The following DSCAM variants were observed in gnomAD, a reference collection of about 807,000 sequenced individuals.
DSCAM encodes cell adhesion molecule DSCAM.
DSCAM carries 47 observed loss-of-function variants against 217.7 expected under a neutral mutation model. That is an observed-to-expected ratio of 0.22 (90% CI 0.17 to 0.28). The LOEUF is 0.28. DSCAM is among the 10% of genes least tolerant of loss of function. DSCAM has a pLI of 1.00. For synonymous variants in DSCAM, 1,056 were observed against 1,015.3 expected (o/e 1.04, Z -0.76); for missense variants, 2,080 against 2,618.3 (o/e 0.79, Z 4.49).
intron 3 of DSCAM, among the ~76,000 whole-genome samples, chr21:40,511,978 G>A (rs1228359908): frequency 1.3e-5 from 1 of 78,298 alleles, no homozygotes; most frequent in African/African-American, 5.5e-5. Context: ...GCGACAGAGT[G>A]AGACTCTGTC....
rs141371116 is a variant in DSCAM at position 40,140,610 on chromosome 21, A to G, written c.3406+1948T>C. On this transcript the variant is annotated intron_variant, in intron 18 of 32. Transcript: ENST00000400454. Reference sequence around the variant, plus strand: ...CCACTCAATATAAGGAGTAGAAATCAGAAGAAACATATGTAATGATATCCT... The same window carrying G: ...CCACTCAATATAAGGAGTAGAAATCGGAAGAAACATATGTAATGATATCCT... Among the ~76,000 whole-genome samples, 1,126 of 152,334 alleles carry G rather than the reference A, an allele frequency of 7.4e-3. 12 individuals carry two copies. The highest frequency in any genetic ancestry group is 0.025 in the African/African-American group (1,058 of 41,572).
chr21:40,260,032 A>C (rs2073429252), intron 11 of DSCAM, among the ~76,000 whole-genome samples: 1 of 152,176 alleles, frequency 6.6e-6, no homozygotes, highest in East Asian at 1.9e-4. Flanking sequence ...CAGCCGAGTC[A>C]GCCATTCTTA....
intron 3 of DSCAM, among the ~76,000 whole-genome samples, chr21:40,642,031 A>G (rs2089887055): frequency 7.6e-6 from 1 of 132,348 alleles, no homozygotes; most frequent in African/African-American, 2.8e-5. Flanking sequence ...TGGGTGACAG[A>G]GACTCTGTCT....
At chr21:40,653,484 C>T (rs562217588) in intron 3 of DSCAM, among the ~76,000 whole-genome samples, 1 of 152,092 alleles carries the variant, frequency 6.6e-6, no homozygotes. Flanking sequence ...GTTAAGGACA[C>T]AAGAGGCCAG....
intron 16 of DSCAM, among the ~76,000 whole-genome samples, chr21:40,160,474 GTA>G (rs1042477532): frequency 6.6e-6 from 1 of 152,094 alleles, no homozygotes; most frequent in African/African-American, 2.4e-5. Context: ...TTACATGTTT[GTA>G]TATATATGTT....
At chr21:40,791,651 T>G in intron 1 of DSCAM, among the ~76,000 whole-genome samples, 1 of 152,098 alleles carries the variant, frequency 6.6e-6, no homozygotes. Context: ...AGACACCGTC[T>G]CAAAAAAACA....
At chr21:40,067,555 G>GT (rs1431443094) in intron 27 of DSCAM, among the ~76,000 whole-genome samples, 1 of 152,102 alleles carries the variant, frequency 6.6e-6, no homozygotes, top group Admixed American at 6.5e-5. Flanking sequence ...TGGAACTTGT[G>GT]TAATAGTTCT....
rs150447935 is a variant in DSCAM at position 40,171,741 on chromosome 21, T to G, written c.2948-4453A>C. 6.8e-3 allele frequency among the ~76,000 whole-genome samples: 1,035 copies of G among 152,266 alleles called. 17 individuals carry two copies. The highest frequency in any genetic ancestry group is 0.023 in the African/African-American group (973 of 41,556). ...GTTTCTAAAACATTACTTTAAAAAT[T>G]TTTTAAATTATAAAAAATTTCCCTT... is the stretch of plus-strand genomic sequence containing the variant. On this transcript the variant is annotated intron_variant, in intron 15 of 32. Transcript: ENST00000400454.
In DSCAM at chr21:40,624,945, G is replaced by A. The variant is rs1037938628; in HGVS notation, c.508+67865C>T. ...AGAAAATTCTTTGATTATATAAAGT[G>A]AGCTTTTATAATCTAAGAGTATATT... On this transcript the variant is annotated intron_variant, in intron 3 of 32. Coordinates refer to ENST00000400454, the MANE Select transcript of DSCAM (RefSeq NM_001389.5). Among the ~76,000 whole-genome samples the A allele has an allele frequency of 2.0e-5, 3 of 152,096 alleles. No homozygotes were observed. The East Asian group carries it at 5.8e-4, about 29-fold the overall frequency.
At chr21:40,183,439 C>T (rs534921792) in intron 14 of DSCAM, among the ~76,000 whole-genome samples, 1 of 152,290 alleles carries the variant, frequency 6.6e-6, no homozygotes, top group Non-Finnish European at 1.5e-5. Context: ...TCAGATGACG[C>T]CTCTGGTGCT....
At position 40,144,021 on chromosome 21, in the gene DSCAM, C is replaced by T. The variant is rs1406244207; in HGVS notation, c.3259+470G>A. Among the ~76,000 whole-genome samples, 1 of 152,082 alleles carries T rather than the reference C, an allele frequency of 6.6e-6. No homozygotes were observed. The highest frequency in any genetic ancestry group is 1.5e-5 in the Non-Finnish European group (1 of 68,026). ...GAAGGGCTAATTAATTTATCTCGGC[C>T]GCTAGGGGGCGATCGATCACTGTGC... is the stretch of plus-strand genomic sequence containing the variant. On this transcript the variant is annotated intron_variant, in intron 17 of 32. Coordinates refer to ENST00000400454, the MANE Select transcript of DSCAM (RefSeq NM_001389.5). The surrounding 1 kb of genome is among the most constrained non-coding windows in gnomAD (Gnocchi z 4.8).
intron 32 of DSCAM, among the ~76,000 whole-genome samples, chr21:40,021,451 G>A (rs552300168): frequency 6.6e-6 from 1 of 152,174 alleles, no homozygotes; most frequent in South Asian, 2.1e-4. Context: ...AAGGACCACT[G>A]GCCCATCCAT....
At chr21:40,481,809 C>T (rs1161704050) in intron 3 of DSCAM, among the ~76,000 whole-genome samples, 2 of 152,172 alleles carry the variant, frequency 1.3e-5, no homozygotes, top group African/African-American at 2.4e-5. Context: ...TGCGTTTTGG[C>T]TCTCCATCCA....
chr21:40,489,782 A>AAAAAT (rs1281691733), intron 3 of DSCAM, among the ~76,000 whole-genome samples: 22 of 143,090 alleles, frequency 1.5e-4, no homozygotes, highest in African/African-American at 5.7e-4. Context: ...CTCAAAAAAA[A>AAAAAT]AAAAAAAAAA....
chr21:40,395,429 C>T (rs1217179401), intron 3 of DSCAM, among the ~76,000 whole-genome samples: 1 of 151,282 alleles, frequency 6.6e-6, no homozygotes, highest in Non-Finnish European at 1.5e-5. Context: ...GAGACTGTAA[C>T]ATTTTCCTAT....
At chr21:40,085,579 A>G (rs757843044) in intron 23 of DSCAM, 23 bp downstream of exon 23, 11 of 1,469,610 alleles carry the variant, frequency 7.5e-6, no homozygotes, top group Non-Finnish European at 9.1e-6. Context: ...GATATCATTA[A>G]AAAGAGTCCT....
At chr21:40,242,772 A>G (rs563511885) in intron 11 of DSCAM, among the ~76,000 whole-genome samples, 3 of 152,322 alleles carry the variant, frequency 2.0e-5, no homozygotes, top group African/African-American at 4.8e-5. Flanking sequence ...CCAACCCCAC[A>G]GTGGGCATAT....
At position 40,768,846 on chromosome 21, in the gene DSCAM, G is replaced by A. The variant is rs563366507; in HGVS notation, c.44-60075C>T. On this transcript the variant is annotated intron_variant, in intron 1 of 32. Transcript: ENST00000400454. ...AGCACCAGACCTCGGATATAGCATA[G>A]GGGTATGGAAGATCTTATAGAACAA... Among the ~76,000 whole-genome samples, 6 of 152,328 alleles carry A rather than the reference G, an allele frequency of 3.9e-5. No homozygotes were observed. In the South Asian group the frequency reaches 1.2e-3, roughly 32 times the overall value.
intron 3 of DSCAM, among the ~76,000 whole-genome samples, chr21:40,644,049 C>T (rs532208095): frequency 1.3e-5 from 2 of 152,292 alleles, no homozygotes; most frequent in East Asian, 1.9e-4. Flanking sequence ...ACTTCCCAAG[C>T]CCCAGCCCAG....
Sources: allele counts gnomAD v4.1 joint callset (sites outside exome capture counted in the v4.1 genomes callset), GRCh38; gene constraint gnomAD v4.1.1; non-coding constraint Gnocchi (gnomAD v3.1); transcripts MANE v1.5; gene names NCBI Gene and HGNC (gene_info 2026-07-23, HGNC 2026-07-21).